Variants in COL6A5 observed in about 807,000 individuals in gnomAD.
COL6A5 encodes collagen alpha-5(VI) chain.
A neutral mutation model predicts 65.6 loss-of-function variants in COL6A5; 48 were observed. The observed-to-expected ratio is 0.73, with a 90% CI of 0.58 to 0.93. COL6A5 has a LOEUF of 0.93. Among genes scored for constraint, COL6A5 ranks in the 40% least tolerant of loss-of-function variants. The pLI is 0.00. For synonymous variants in COL6A5, 291 were observed against 322.8 expected, an observed-to-expected ratio of 0.90 and a Z score of 1.05; for missense variants, 914 against 928.3, an observed-to-expected ratio of 0.98 and a Z score of 0.20.
In COL6A5 at chr3:130,421,246, A is replaced by C; in HGVS notation, c.5001+43A>C. On this transcript the variant is annotated intron_variant and NMD_transcript_variant, in intron 26 of 41. Coordinates refer to the COL6A5 transcript ENST00000312481. Reference sequence around the variant, plus strand: ...TTATTTTTATTCATTGATGAATCAAACTAAATAATACAAGAAGAAATGTTC... The same window carrying C: ...TTATTTTTATTCATTGATGAATCAACCTAAATAATACAAGAAGAAATGTTC... The C allele has an allele frequency of 2.6e-6, 4 of 1,546,744 alleles. No individual in the cohort carries two copies. The South Asian group carries it at 4.8e-5, about 18-fold the overall frequency.
intron 4 of COL6A5, among the ~76,000 whole-genome samples, chr3:130,448,908 A>G (rs1191426291): frequency 6.6e-6 from 1 of 152,196 alleles, no homozygotes. Context: ...AATAACTATG[A>G]GAGGCCAATT....
exon 4 of COL6A5, chr3:130,379,446 T>G: frequency 6.4e-7 from 1 of 1,551,184 alleles, no homozygotes; most frequent in Non-Finnish European, 8.7e-7. Context: ...GTCAGAAAGA[T>G]TCACTCGCTG....
chr3:130,401,122 T>C, exon 11 of COL6A5: 1 of 1,550,480 alleles, frequency 6.4e-7, no homozygotes, highest in Non-Finnish European at 8.7e-7. Context: ...ATTACAGGAC[T>C]CATCTGACTA....
At chr3:130,397,363 C>T (rs998742941) in intron 8 of COL6A5, among the ~76,000 whole-genome samples, 3 of 151,344 alleles carry the variant, frequency 2.0e-5, no homozygotes, top group African/African-American at 7.3e-5. Context: ...GTTGGTATCA[C>T]ATATATATGT....
At chr3:130,483,932 T>C (rs948120680) in intron 7 of COL6A5, 103 bp from the exon 41 acceptor site, 1 of 974,956 alleles carries the variant, frequency 1.0e-6, no homozygotes, top group Admixed American at 2.4e-5. Context: ...GACAAAAATA[T>C]TGTGTTTGTT....
intron 7 of COL6A5, chr3:130,476,831 G>T: frequency 1.5e-6 from 1 of 647,726 alleles, no homozygotes; most frequent in Non-Finnish European, 2.8e-6. Flanking sequence ...CTGTTGTAAT[G>T]ATATTATATA....
At chr3:130,431,118 T>C (rs1457732665), upstream of COL6A5, among the ~76,000 whole-genome samples, 1 of 152,208 alleles carries the variant, frequency 6.6e-6, no homozygotes, top group Non-Finnish European at 1.5e-5. Flanking sequence ...TGTTCAGTTT[T>C]ACCAAATGTG....
At chr3:130,481,060 T>C (rs1221104181) in intron 7 of COL6A5, among the ~76,000 whole-genome samples, 1 of 152,014 alleles carries the variant, frequency 6.6e-6, no homozygotes, top group Non-Finnish European at 1.5e-5. Flanking sequence ...TCTTTTTTTT[T>C]TAATCCTTTA....
chr3:130,458,478 C>T (rs2107603424), intron 5 of COL6A5, among the ~76,000 whole-genome samples: 1 of 152,240 alleles, frequency 6.6e-6, no homozygotes, highest in African/African-American at 2.4e-5. Context: ...AGCACTTGTC[C>T]TAGACTACTG....
chr3:130,373,663 G>A, exon 2 of COL6A5: 4 of 1,541,922 alleles, frequency 2.6e-6, no homozygotes, highest in Non-Finnish European at 3.5e-6. Flanking sequence ...AATTATATTT[G>A]TCCTAATCAT....
chr3:130,431,947 G>A lies in COL6A5; in HGVS notation c.487G>A (p.Gly163Arg), dbSNP rs1937835629. ...TGAGAGAGTTTTCCTTGAAGCTTTTGGGGTAAGAATTTCTCTTGGCAACTT... is the reference window on the plus strand; with the variant it reads ...TGAGAGAGTTTTCCTTGAAGCTTTTAGGGTAAGAATTTCTCTTGGCAACTT... The change falls in exon 1 of 8, where the codon GGG becomes AGG. Residue 163 changes from glycine to arginine, a missense_variant and splice_region_variant. By Grantham distance (125) the Gly-to-Arg change is moderately radical. Transcript: ENST00000512836. 3.2e-6 allele frequency: 5 copies of A among 1,548,014 alleles called. No individual in the cohort carries two copies. In the South Asian group the frequency reaches 4.8e-5, roughly 15 times the overall value.
chr3:130,414,208 T>C (rs559051251), intron 22 of COL6A5, 77 bp downstream of exon 22: 2 of 1,140,104 alleles, frequency 1.8e-6, no homozygotes, highest in Non-Finnish European at 1.3e-6. Context: ...TATTTCTGTA[T>C]AAAAATAAAT....
rs1553744426 is a variant in COL6A5 at position 130,362,272 on chromosome 3, T to TCTCTCTCTC, written c.-28-11339_-28-11338insCTCTCTCTC. The stretch of plus-strand genomic sequence containing the variant: ...TTTCTTTCTCTCTCTCTCTCTCTCT[T>TCTCTCTCTC]TGTCTCTGTCTTTCTCCATATATAT... On this transcript the variant is annotated intron_variant and NMD_transcript_variant, in intron 1 of 41. Transcript: ENST00000312481. Among the ~76,000 whole-genome samples, 53 of 14,616 alleles carry TCTCTCTCTC rather than the reference T, an allele frequency of 3.6e-3. 3 individuals carry two copies. The highest frequency in any genetic ancestry group is 7.5e-3 in the Non-Finnish European group (41 of 5,446). The allele number at this position is 14,616 out of a possible 152,430, so 9.6% of individuals were successfully genotyped here. A position where few individuals can be genotyped will look rare whatever the true frequency, so the allele number is the denominator to read the frequency against.
At chr3:130,459,688 C>T (rs934166233) in intron 5 of COL6A5, among the ~76,000 whole-genome samples, 8 of 152,020 alleles carry the variant, frequency 5.3e-5, no homozygotes, top group African/African-American at 1.9e-4. Context: ...TACACCCTGT[C>T]TGCTGTTCCC....
chr3:130,376,260 G>A, exon 3 of COL6A5: 6 of 1,608,150 alleles, frequency 3.7e-6, no homozygotes, highest in Non-Finnish European at 3.4e-6. Flanking sequence ...GTATGCAGAT[G>A]TCGTGTTTCT....
In COL6A5 at chr3:130,397,942, A is replaced by G. The variant is rs372939459; in HGVS notation, c.3909+19A>G. The stretch of plus-strand genomic sequence containing the variant: ...GGGCCAGGTATCCATATTACATTCT[A>G]TCTCCCATCTCCACATTCTCCCATT... On this transcript the variant is annotated intron_variant and NMD_transcript_variant, in intron 9 of 41. Transcript: ENST00000312481. The G allele has an allele frequency of 1.3e-6, 2 of 1,546,258 alleles. No homozygotes were observed. The highest frequency in any genetic ancestry group is 1.2e-5 in the South Asian group (1 of 83,944).
exon 8 of COL6A5, chr3:130,484,115 A>G: frequency 6.7e-7 from 1 of 1,487,280 alleles, no homozygotes; most frequent in Non-Finnish European, 9.2e-7. Context: ...TCTAACCAGA[A>G]TGTATAATCA....
intron 25 of COL6A5, among the ~76,000 whole-genome samples, chr3:130,419,981 T>C (rs1020534588): frequency 2.6e-5 from 4 of 152,134 alleles, no homozygotes; most frequent in South Asian, 2.1e-4. Context: ...TTCTGACTTA[T>C]GGCTACACCC....
Position 130,432,347 on chromosome 3 carries a change from G to C in COL6A5, c.487+398G>C, listed in dbSNP as rs144590461. On this transcript the variant is annotated intron_variant, in intron 1 of 7. Transcript: ENST00000512836. ...AGGCGGGCGAATCATGAGGTCAGGA[G>C]ATCGAGACCATCCTGGCCAACATGG... Among the ~76,000 whole-genome samples the C allele has an allele frequency of 3.5e-3, 539 of 152,240 alleles. 5 individuals carry two copies. Among genetic ancestry groups the C allele is most frequent in the African/African-American group, 0.012 (511 of 41,540 alleles).
Sources: allele counts gnomAD v4.1 joint callset (sites outside exome capture counted in the v4.1 genomes callset), GRCh38; gene constraint gnomAD v4.1.1; transcripts MANE v1.5; gene names NCBI Gene and HGNC (gene_info 2026-07-23, HGNC 2026-07-21).